Variants in BLTP3B observed in about 807,000 individuals in gnomAD.
The protein encoded by BLTP3B is UHRF1 (ICBP90) binding protein 1-like.
chr12:100,079,112 T>C, the BLTP3B span, among the ~76,000 whole-genome samples: 3 of 152,202 alleles, frequency 2.0e-5, no homozygotes, highest in Admixed American at 1.3e-4. Context: ...GTCTTGGGTA[T>C]GTCTTTATCA....
the BLTP3B span, among the ~76,000 whole-genome samples, chr12:100,055,862 T>C: frequency 5.9e-5 from 9 of 152,132 alleles, no homozygotes; most frequent in African/African-American, 2.2e-4. Flanking sequence ...CAATAGGCTC[T>C]ATGTCTGAAT....
chr12:100,106,600 A>G, the BLTP3B span, among the ~76,000 whole-genome samples: 19 of 151,904 alleles, frequency 1.3e-4, no homozygotes, highest in Admixed American at 6.6e-4. Flanking sequence ...AAGACTCAGA[A>G]GGTGGGTAGG....
the BLTP3B span, among the ~76,000 whole-genome samples, chr12:100,119,505 T>A: frequency 6.6e-6 from 1 of 152,130 alleles, no homozygotes; most frequent in Non-Finnish European, 1.5e-5. Context: ...CTGAAAAAGA[T>A]GAACAAAGTT....
At chr12:100,137,099 C>A in the BLTP3B span, among the ~76,000 whole-genome samples, 1 of 152,218 alleles carries the variant, frequency 6.6e-6, no homozygotes, top group South Asian at 2.1e-4. Context: ...GCATAAGCCA[C>A]GGCGCCCAGC....
chr12:100,090,216 A>T, the BLTP3B span, among the ~76,000 whole-genome samples: 1 of 152,172 alleles, frequency 6.6e-6, no homozygotes, highest in Non-Finnish European at 1.5e-5. Context: ...GCCTCTCCTA[A>T]AAGATGTGGT....
chr12:100,099,365 C>T, the BLTP3B span, among the ~76,000 whole-genome samples: 60 of 151,316 alleles, frequency 4.0e-4, no homozygotes, highest in African/African-American at 1.3e-3. Flanking sequence ...TGGTGGCTCA[C>T]GCCTGTAATC....
At chr12:100,088,685 T>C in the BLTP3B span, among the ~76,000 whole-genome samples, 1 of 152,236 alleles carries the variant, frequency 6.6e-6, no homozygotes, top group Non-Finnish European at 1.5e-5. Flanking sequence ...GCTAATTTTA[T>C]TGTTAGCATT....
chr12:100,052,793 T>C, the BLTP3B span, among the ~76,000 whole-genome samples: 1 of 144,208 alleles, frequency 6.9e-6, no homozygotes, highest in Admixed American at 6.8e-5. Context: ...CTTTTCTGTT[T>C]TTTTTTTTTT....
the BLTP3B span, among the ~76,000 whole-genome samples, chr12:100,098,142 A>G: frequency 7.9e-5 from 12 of 152,166 alleles, no homozygotes; most frequent in South Asian, 2.5e-3. Flanking sequence ...ACCTGAGCCC[A>G]GGGAGGTCAA....
At chr12:100,125,203 A>G in the BLTP3B span, among the ~76,000 whole-genome samples, 1 of 150,118 alleles carries the variant, frequency 6.7e-6, no homozygotes, top group Non-Finnish European at 1.5e-5. Context: ...ATGGAGGCAC[A>G]CGCCTGTAAT....
chr12:100,077,559 A>T, the BLTP3B span, among the ~76,000 whole-genome samples: 1 of 152,210 alleles, frequency 6.6e-6, no homozygotes, highest in Non-Finnish European at 1.5e-5. Context: ...TACTCACTAG[A>T]GGTCAGCAGC....
the BLTP3B span, chr12:100,048,331 C>T: frequency 1.1e-5 from 10 of 896,362 alleles, no homozygotes; most frequent in Admixed American, 2.4e-4. Context: ...AGTACATATA[C>T]AATATACGTA....
the BLTP3B span, among the ~76,000 whole-genome samples, chr12:100,060,275 T>C: frequency 6.6e-6 from 1 of 152,184 alleles, no homozygotes; most frequent in Non-Finnish European, 1.5e-5. Context: ...AAAATATCTA[T>C]AACATATAAA....
At chr12:100,108,299 A>T in the BLTP3B span, 1 of 1,331,554 alleles carries the variant, frequency 7.5e-7, no homozygotes, top group South Asian at 1.4e-5. Context: ...ATCTAAAATT[A>T]AGTATTTTAA....
chr12:100,118,424 T>C, the BLTP3B span, among the ~76,000 whole-genome samples: 2 of 151,560 alleles, frequency 1.3e-5, no homozygotes, highest in Non-Finnish European at 2.9e-5. Flanking sequence ...CAAAAAACTC[T>C]CAAGGTCTTC....
the BLTP3B span, among the ~76,000 whole-genome samples, chr12:100,038,431 G>A: frequency 6.6e-6 from 1 of 152,082 alleles, no homozygotes; most frequent in Non-Finnish European, 1.5e-5. Context: ...CACCTCCCGG[G>A]TTCAAGTGAT....
At chr12:100,129,688 G>A in the BLTP3B span, among the ~76,000 whole-genome samples, 2 of 152,290 alleles carry the variant, frequency 1.3e-5, 1 homozygote, top group South Asian at 4.1e-4. Context: ...CATGGAAAAT[G>A]TACTACTAAA....
At chr12:100,103,003 C>A in the BLTP3B span, 2 of 478,168 alleles carry the variant, frequency 4.2e-6, no homozygotes, top group Non-Finnish European at 7.0e-6. Context: ...CTCTACAGGT[C>A]TAAAAAGACA....
At chr12:100,137,379 C>T in the BLTP3B span, among the ~76,000 whole-genome samples, 6 of 152,314 alleles carry the variant, frequency 3.9e-5, no homozygotes, top group East Asian at 3.9e-4. Context: ...TCCCTCTCAT[C>T]ACTTTGCCAT....
Sources: gnomAD v4.1 joint callset for allele counts (sites outside exome capture counted in the v4.1 genomes callset) on GRCh38, gnomAD v4.1.1 for gene constraint, MANE v1.5 for transcripts, NCBI Gene and HGNC (gene_info 2026-07-23, HGNC 2026-07-21) for gene names.